The following GRIK1 variants were observed in gnomAD, a reference collection of about 807,000 sequenced individuals.
GRIK1 encodes the protein glutamate receptor ionotropic, kainate 1.
A neutral mutation model predicts 105.7 loss-of-function variants in GRIK1; 69 were observed. The ratio of observed to expected loss-of-function variants is 0.65; its 90% CI spans 0.54 to 0.80. GRIK1 has a LOEUF of 0.80. Among genes scored for constraint, GRIK1 ranks in the 30% least tolerant of loss-of-function variants. The probability of loss-of-function intolerance (pLI) is 0.00; values close to 1 mark genes in which losing one functional copy is unlikely to be tolerated. For missense variants in GRIK1, 1,109 were observed against 1,167.3 expected (o/e 0.95, Z 0.73); for synonymous variants, 438 against 431.3 (o/e 1.02, Z -0.19).
chr21:29,587,470 G>T lies in GRIK1; in HGVS notation c.1689C>A (p.Thr563=). The T allele has an allele frequency of 6.2e-7, 1 of 1,612,652 alleles. No individual in the cohort carries two copies. The highest frequency in any genetic ancestry group is 8.5e-7 in the Non-Finnish European group (1 of 1,178,730). The part of the protein sequence containing the change: ...ISILYRKPNG[T]NPGVFSFLNP... ...TGAGGAAGGAGAAAACGCCTGGATT[G>T]GTACCATTGGGCTTCCGGTAGAGAA... The change falls in exon 12 of 18, where the codon ACC becomes ACA. Residue 563 remains threonine (T), a synonymous_variant. Transcript: ENST00000327783.
At chr21:29,599,211 A>G (rs1206026357) in intron 7 of GRIK1, among the ~76,000 whole-genome samples, 1 of 152,234 alleles carries the variant, frequency 6.6e-6, no homozygotes, top group Non-Finnish European at 1.5e-5. Flanking sequence ...GCCGTAAAAC[A>G]GTCTGCACAC....
chr21:29,840,528 C>G (rs2067947528), intron 1 of GRIK1, among the ~76,000 whole-genome samples: 1 of 152,036 alleles, frequency 6.6e-6, no homozygotes, highest in Non-Finnish European at 1.5e-5. Flanking sequence ...CCTGAAATAC[C>G]CTTTCTAAGA....
chr21:29,552,812 C>T (rs2090157060), intron 16 of GRIK1, among the ~76,000 whole-genome samples: 1 of 151,970 alleles, frequency 6.6e-6, no homozygotes, highest in South Asian at 2.1e-4. Context: ...TTAAATTCTA[C>T]AAGTAAATGT....
intron 1 of GRIK1, among the ~76,000 whole-genome samples, chr21:29,842,641 G>T (rs1364151398): frequency 1.3e-5 from 2 of 152,054 alleles, no homozygotes; most frequent in Non-Finnish European, 2.9e-5. Flanking sequence ...CATTACTCTT[G>T]TCATTCTAAT....
At chr21:29,898,359 A>C (rs2070253644) in intron 1 of GRIK1, among the ~76,000 whole-genome samples, 1 of 152,194 alleles carries the variant, frequency 6.6e-6, no homozygotes, top group Non-Finnish European at 1.5e-5. Context: ...GTGGGTGAGG[A>C]AATACACCAG....
At chr21:29,562,718 A>C (rs1195803262) in intron 14 of GRIK1, among the ~76,000 whole-genome samples, 1 of 151,740 alleles carries the variant, frequency 6.6e-6, no homozygotes, top group Non-Finnish European at 1.5e-5. Flanking sequence ...GTATAATTTT[A>C]ATTGTAATCA....
At chr21:29,747,555 G>T (rs117461933) in intron 1 of GRIK1, among the ~76,000 whole-genome samples, 1 of 152,178 alleles carries the variant, frequency 6.6e-6, no homozygotes, top group African/African-American at 2.4e-5. Flanking sequence ...CATGGGCCAG[G>T]CCGGGTGGCT....
At chr21:29,809,689 G>A (rs762907723) in intron 1 of GRIK1, among the ~76,000 whole-genome samples, 2 of 152,116 alleles carry the variant, frequency 1.3e-5, no homozygotes, top group African/African-American at 4.8e-5. Flanking sequence ...TTGACTAATT[G>A]GTGCAAGAGG....
At chr21:29,639,019 C>A (rs2062454584) in intron 7 of GRIK1, among the ~76,000 whole-genome samples, 1 of 152,206 alleles carries the variant, frequency 6.6e-6, no homozygotes, top group African/African-American at 2.4e-5. Context: ...GTGTTCCCAG[C>A]ACCAGAGTTA....
intron 1 of GRIK1, among the ~76,000 whole-genome samples, chr21:29,785,296 G>A (rs942331811): frequency 3.2e-4 from 49 of 152,136 alleles, no homozygotes; most frequent in African/African-American, 1.2e-3. Flanking sequence ...GAGTGTGGTG[G>A]CTCATGCCGT....
chr21:29,890,320 A>G (rs948913568), intron 1 of GRIK1, among the ~76,000 whole-genome samples: 4 of 152,120 alleles, frequency 2.6e-5, no homozygotes, highest in Admixed American at 6.5e-5. Flanking sequence ...AAATAAATCA[A>G]TTTTTCACTT....
At chr21:29,729,433 A>G (rs1052876257) in intron 1 of GRIK1, among the ~76,000 whole-genome samples, 2 of 152,212 alleles carry the variant, frequency 1.3e-5, no homozygotes, top group Non-Finnish European at 2.9e-5. Context: ...GACATTAGTC[A>G]GACCACTAGT....
intron 7 of GRIK1, among the ~76,000 whole-genome samples, chr21:29,609,113 T>A (rs1038972987): frequency 7.0e-6 from 1 of 142,986 alleles, no homozygotes; most frequent in Non-Finnish European, 1.5e-5. Context: ...TAATAATAAA[T>A]AAGATAAAAA....
intron 1 of GRIK1, among the ~76,000 whole-genome samples, chr21:29,747,567 A>C (rs1265208288): frequency 6.6e-6 from 1 of 152,214 alleles, no homozygotes; most frequent in Non-Finnish European, 1.5e-5. Flanking sequence ...CGGGTGGCTC[A>C]CACCTATAAT....
chr21:29,619,396 C>T (rs991239204), intron 7 of GRIK1, among the ~76,000 whole-genome samples: 2 of 151,942 alleles, frequency 1.3e-5, no homozygotes, highest in Non-Finnish European at 2.9e-5. Flanking sequence ...GAGATTGTGC[C>T]ACTGCACTCC....
intron 15 of GRIK1, 126 bp from the exon 16 acceptor site, chr21:29,555,428 C>A: frequency 1.2e-6 from 1 of 834,474 alleles, no homozygotes; most frequent in Non-Finnish European, 1.9e-6. Context: ...CACAAATTGA[C>A]TTGCAAAGGA....
At chr21:29,576,413 T>C (rs2090894662) in intron 14 of GRIK1, among the ~76,000 whole-genome samples, 1 of 152,220 alleles carries the variant, frequency 6.6e-6, no homozygotes, top group African/African-American at 2.4e-5. Context: ...CTGGGAACAC[T>C]GTCCTTCATC....
intron 1 of GRIK1, among the ~76,000 whole-genome samples, chr21:29,871,404 A>T (rs1323524339): frequency 1.3e-5 from 2 of 152,212 alleles, no homozygotes; most frequent in African/African-American, 4.8e-5. Flanking sequence ...TTTATATGTG[A>T]TGAAACTGAG....
chr21:29,923,718 C>A (rs749738920), intron 1 of GRIK1, among the ~76,000 whole-genome samples: 5 of 152,108 alleles, frequency 3.3e-5, no homozygotes, highest in South Asian at 4.1e-4. Context: ...GAAAGGTGGG[C>A]AAATTTGATG....
Sources: allele counts gnomAD v4.1 joint callset (sites outside exome capture counted in the v4.1 genomes callset), GRCh38; gene constraint gnomAD v4.1.1; transcripts MANE v1.5; gene names NCBI Gene and HGNC (gene_info 2026-07-23, HGNC 2026-07-21).